Variants in ATP2C1 observed in about 807,000 individuals in gnomAD.
ATP2C1 encodes ATPase secretory pathway Ca2+ transporting 1.
In ATP2C1, 31 loss-of-function variants were observed where a neutral mutation model predicts 120.5. The ratio of observed to expected loss-of-function variants is 0.26; its 90% CI spans 0.19 to 0.35. The LOEUF (loss-of-function observed/expected upper bound fraction) is 0.35. ATP2C1 is among the 10% of genes least tolerant of loss of function. The pLI is 1.00. For synonymous variants in ATP2C1, 351 were observed against 358.7 expected, an observed-to-expected ratio of 0.98 and a Z score of 0.24; for missense variants, 731 against 1,107.5, an observed-to-expected ratio of 0.66 and a Z score of 4.83.
intron 1 of ATP2C1, among the ~76,000 whole-genome samples, chr3:130,867,193 G>C (rs558059497): frequency 3.3e-5 from 5 of 152,260 alleles, no homozygotes; most frequent in African/African-American, 1.2e-4. Context: ...GGACACAATA[G>C]TACTGAAAGT....
chr3:130,851,647 A>G (rs749257817), intron 1 of ATP2C1, among the ~76,000 whole-genome samples: 12 of 152,256 alleles, frequency 7.9e-5, no homozygotes, highest in Admixed American at 6.5e-5. Flanking sequence ...ATTTCTAAAA[A>G]TGATTTTTAT....
At chr3:130,860,805 C>G (rs773258472) in intron 1 of ATP2C1, among the ~76,000 whole-genome samples, 1 of 152,082 alleles carries the variant, frequency 6.6e-6, no homozygotes. Context: ...GATTTTCTCT[C>G]ATTTATGAGG....
intron 1 of ATP2C1, among the ~76,000 whole-genome samples, chr3:130,860,022 C>G (rs371155489): frequency 1.3e-5 from 2 of 152,188 alleles, no homozygotes; most frequent in South Asian, 4.1e-4. Flanking sequence ...CTTTAATCAC[C>G]TCCTCATAAA....
intron 1 of ATP2C1, among the ~76,000 whole-genome samples, chr3:130,856,821 G>T (rs925141198): frequency 1.3e-5 from 2 of 152,206 alleles, no homozygotes; most frequent in East Asian, 1.9e-4. Context: ...AGGAGGAAAA[G>T]ATTTTCCTTG....
upstream of ATP2C1, among the ~76,000 whole-genome samples, chr3:130,891,618 C>T (rs2107872134): frequency 6.6e-6 from 1 of 152,262 alleles, no homozygotes; most frequent in Admixed American, 6.5e-5. Flanking sequence ...TGCCATCAAT[C>T]CCATTGTAGC....
chr3:131,002,485 G>A lies in ATP2C1; in HGVS notation c.*1135G>A. The A allele has an allele frequency of 1.0e-6, 1 of 985,284 alleles. No homozygotes were observed. The highest frequency in any genetic ancestry group is 4.7e-5 in the South Asian group (1 of 21,280). The allele number at this position is 985,284 out of a possible 1,614,324, so 61.0% of individuals were successfully genotyped here. On this transcript the variant is annotated 3_prime_UTR_variant, in exon 28 of 28. Coordinates refer to ENST00000510168, the MANE Select transcript of ATP2C1 (RefSeq NM_001378687.1). The stretch of plus-strand genomic sequence containing the variant: ...TATATCTCTTCTACTTTCATCATGT[G>A]TTCTGTACCTTCTTTTTGTTTCATT...
At chr3:130,850,942 T>C in intron 1 of ATP2C1, 1 of 1,289,384 alleles carries the variant, frequency 7.8e-7, no homozygotes, top group Non-Finnish European at 1.0e-6. Context: ...TCATTTTGTT[T>C]ATATTATCTT....
At chr3:130,955,926 T>C (rs2060561809) in intron 10 of ATP2C1, 178 bp from the exon 11 acceptor site, 1 of 574,426 alleles carries the variant, frequency 1.7e-6, no homozygotes, top group African/African-American at 1.9e-5. Flanking sequence ...TGTGTGACCT[T>C]GGGCATTGTG....
At chr3:130,874,643 G>T (rs568775522) in intron 1 of ATP2C1, among the ~76,000 whole-genome samples, 57 of 152,276 alleles carry the variant, frequency 3.7e-4, no homozygotes, top group African/African-American at 1.3e-3. Flanking sequence ...GGTAGGGCAG[G>T]CCCCAGAGTT....
intron 1 of ATP2C1, chr3:130,868,308 TG>T (rs2068279870): frequency 1.9e-5 from 2 of 105,192 alleles, no homozygotes; most frequent in Non-Finnish European, 3.9e-5. Context: ...CTCCTCTGCC[TG>T]GCCGCCCCTA....
Position 130,985,886 on chromosome 3 carries a change from A to G in ATP2C1, c.1839+5207A>G, listed in dbSNP as rs532254875. The stretch of plus-strand genomic sequence containing the variant: ...CAGCGTATGTTCATATTCATTTTCT[A>G]TGTGGCACTGCTGTTTTTGAAATTC... On this transcript the variant is annotated intron_variant, in intron 20 of 27. Coordinates refer to ENST00000510168, the MANE Select transcript of ATP2C1 (RefSeq NM_001378687.1). Among the ~76,000 whole-genome samples, 10 of 152,108 alleles carry G rather than the reference A, an allele frequency of 6.6e-5. No homozygotes were observed. The South Asian group carries it at 1.5e-3, about 22-fold the overall frequency.
At chr3:130,979,881 A>G (rs576722947) in intron 19 of ATP2C1, among the ~76,000 whole-genome samples, 2 of 152,346 alleles carry the variant, frequency 1.3e-5, no homozygotes, top group South Asian at 4.1e-4. Context: ...AAGAAGTAGA[A>G]TAAGAGCGAA....
chr3:130,914,335 ATTTGT>A (rs1037446759), intron 2 of ATP2C1: 8 of 148,654 alleles, frequency 5.4e-5, no homozygotes, highest in Admixed American at 2.0e-4. Context: ...TTTTTTTTTG[ATTTGT>A]TTTAACTAGT....
rs554783338 is a variant in ATP2C1 at position 130,850,882 on chromosome 3, T to A, written c.62T>A (p.Ile21Asn). ...TTCAAAAAATATCCTCTCCATGCAA[T>A]TAGGAGATATTTATCGACGCTGAGA... is the stretch of plus-strand genomic sequence containing the variant. Residue 21 changes from isoleucine (I) to asparagine (N), a missense_variant, in exon 1 of 27, where the codon ATT becomes AAT. Coordinates refer to the ATP2C1 transcript ENST00000504381. The A allele has an allele frequency of 2.9e-4, 411 of 1,424,734 alleles. 4 individuals are homozygous for A. The African/African-American group carries it at 5.2e-3, about 18-fold the overall frequency. The allele number at this position is 1,424,734 out of a possible 1,614,324, so 88.3% of individuals were successfully genotyped here.
chr3:130,934,851 T>A, intron 5 of ATP2C1, 140 bp downstream of exon 5: 1 of 679,252 alleles, frequency 1.5e-6, no homozygotes, highest in Non-Finnish European at 2.6e-6. Flanking sequence ...TTCTTTTTGT[T>A]GCGACAGTTT....
chr3:130,874,365 T>C (rs1484449659), intron 1 of ATP2C1, among the ~76,000 whole-genome samples: 2 of 152,236 alleles, frequency 1.3e-5, no homozygotes, highest in Non-Finnish European at 2.9e-5. Context: ...ACACTTCTTA[T>C]TCAGTTTTTG....
chr3:130,953,877 T>C lies in ATP2C1; in HGVS notation c.588T>C (p.Ser196=). The C allele has an allele frequency of 6.2e-7, 1 of 1,614,094 alleles. No individual in the cohort carries two copies. The highest frequency in any genetic ancestry group is 1.7e-5 in the Admixed American group (1 of 60,000). ...TGACAGGTGAGACAACGCCTTGTTC[T>C]AAGGTGACAGCTCCTCAGCCAGCTG... The part of the protein sequence containing the change: ...SSLTGETTPC[S]KVTAPQPAAT... Residue 196 remains serine, a synonymous_variant, in exon 9 of 28, where the codon TCT becomes TCC. Coordinates refer to ENST00000510168, the MANE Select transcript of ATP2C1 (RefSeq NM_001378687.1).
intron 6 of ATP2C1, among the ~76,000 whole-genome samples, chr3:130,938,607 T>C (rs1336045020): frequency 6.6e-6 from 1 of 152,188 alleles, no homozygotes; most frequent in Non-Finnish European, 1.5e-5. Context: ...AGGGTTCCGC[T>C]TTTAGGGGAA....
intron 17 of ATP2C1, 74 bp from the exon 18 acceptor site, chr3:130,975,258 A>G: frequency 6.9e-7 from 1 of 1,439,802 alleles, no homozygotes. Flanking sequence ...AATGAATGCC[A>G]CTTAATTTTG....
Sources: gnomAD v4.1 joint callset for allele counts (sites outside exome capture counted in the v4.1 genomes callset) on GRCh38, gnomAD v4.1.1 for gene constraint, MANE v1.5 for transcripts, NCBI Gene and HGNC (gene_info 2026-07-23, HGNC 2026-07-21) for gene names.